Variants in AGMO observed in about 807,000 individuals in gnomAD.
The protein encoded by AGMO is glyceryl-ether monooxygenase.
Under a neutral mutation model 60.2 loss-of-function variants are expected in AGMO, and 75 were observed. That is an observed-to-expected ratio of 1.25 (90% CI 1.03 to 1.51). The LOEUF (loss-of-function observed/expected upper bound fraction) is 1.51. AGMO is among the 40% of genes most tolerant of loss of function. The pLI is 0.00. For missense variants in AGMO, 763 were observed against 525.5 expected (o/e 1.45, Z -4.42); for synonymous variants, 261 against 177.1 (o/e 1.47, Z -3.76).
intron 12 of AGMO, among the ~76,000 whole-genome samples, chr7:15,243,834 G>T (rs1782665232): frequency 6.6e-6 from 1 of 151,970 alleles, no homozygotes; most frequent in Non-Finnish European, 1.5e-5. Context: ...GGTTTTGTCT[G>T]CCACTACTCT....
intron 3 of AGMO, among the ~76,000 whole-genome samples, chr7:15,525,200 C>T (rs1255776547): frequency 1.3e-5 from 2 of 152,066 alleles, no homozygotes; most frequent in African/African-American, 2.4e-5. Context: ...ATAATGATAA[C>T]GACAGGAAGC....
chr7:15,408,782 G>T (rs1784767376), intron 5 of AGMO, among the ~76,000 whole-genome samples: 1 of 151,876 alleles, frequency 6.6e-6, no homozygotes, highest in African/African-American at 2.4e-5. Context: ...TCCTCACTTT[G>T]AGTGGGGACC....
At chr7:15,553,379 A>G (rs913481851) in intron 2 of AGMO, among the ~76,000 whole-genome samples, 1 of 151,924 alleles carries the variant, frequency 6.6e-6, no homozygotes, top group South Asian at 2.1e-4. Flanking sequence ...AAAGATTAAA[A>G]CAAAGTGTAG....
chr7:15,210,882 T>C (rs1781570658), intron 12 of AGMO, among the ~76,000 whole-genome samples: 1 of 152,076 alleles, frequency 6.6e-6, no homozygotes, highest in Non-Finnish European at 1.5e-5. Flanking sequence ...AGAAAATATT[T>C]TTCAAGTTGT....
At chr7:15,221,377 C>G (rs1228360826) in intron 12 of AGMO, among the ~76,000 whole-genome samples, 1 of 152,042 alleles carries the variant, frequency 6.6e-6, no homozygotes. Flanking sequence ...GAAATAACAA[C>G]TTTACCTACA....
intron 12 of AGMO, among the ~76,000 whole-genome samples, chr7:15,329,153 C>T (rs371344641): frequency 6.6e-6 from 1 of 152,168 alleles, no homozygotes; most frequent in East Asian, 1.9e-4. Flanking sequence ...TAACTTATTG[C>T]TAGAAAACAT....
intron 5 of AGMO, among the ~76,000 whole-genome samples, chr7:15,407,712 G>T (rs1784743587): frequency 6.6e-6 from 1 of 151,648 alleles, no homozygotes; most frequent in Non-Finnish European, 1.5e-5. Context: ...AAATTTATGT[G>T]TGTGTATATT....
At chr7:15,527,548 G>A (rs6950435) in intron 3 of AGMO, among the ~76,000 whole-genome samples, 124,412 of 152,174 alleles carry the variant, frequency 0.82, 51,147 homozygotes, top group East Asian at 0.97. Flanking sequence ...CACAAGACAA[G>A]CCAACAAGTG....
At chr7:15,365,454 A>T in intron 12 of AGMO, 60 bp downstream of exon 12, 1 of 1,099,656 alleles carries the variant, frequency 9.1e-7, no homozygotes, top group Non-Finnish European at 1.3e-6. Context: ...TCCTTGAATG[A>T]ATAAATTAAA....
chr7:15,283,942 C>A (rs1784034107), intron 12 of AGMO, among the ~76,000 whole-genome samples: 1 of 151,874 alleles, frequency 6.6e-6, no homozygotes, highest in Non-Finnish European at 1.5e-5. Flanking sequence ...TCAAACTAGA[C>A]AAATACATGA....
intron 12 of AGMO, among the ~76,000 whole-genome samples, chr7:15,231,821 G>T (rs958535672): frequency 6.6e-6 from 1 of 152,058 alleles, no homozygotes; most frequent in African/African-American, 2.4e-5. Context: ...TATGTGGCTG[G>T]TACAAAGCTG....
At chr7:15,505,168 G>A (rs1182204712) in intron 3 of AGMO, among the ~76,000 whole-genome samples, 1 of 151,844 alleles carries the variant, frequency 6.6e-6, no homozygotes, top group Non-Finnish European at 1.5e-5. Context: ...TTCATGTAGT[G>A]ATATACGAAT....
chr7:15,390,779 T>G (rs1350263978), intron 7 of AGMO, 29 bp from the exon 8 acceptor site: 1 of 1,596,148 alleles, frequency 6.3e-7, no homozygotes, highest in Non-Finnish European at 8.6e-7. Context: ...GATATGAGAT[T>G]TGGCTTCCTG....
intron 12 of AGMO, among the ~76,000 whole-genome samples, chr7:15,256,943 A>G (rs1783116789): frequency 6.6e-6 from 1 of 152,152 alleles, no homozygotes; most frequent in African/African-American, 2.4e-5. Context: ...AAATAAATAA[A>G]TAGGTAGGCA....
At chr7:15,268,928 G>T (rs1453017787) in intron 12 of AGMO, among the ~76,000 whole-genome samples, 4 of 152,032 alleles carry the variant, frequency 2.6e-5, no homozygotes, top group African/African-American at 9.7e-5. Flanking sequence ...TTGAAGCTGG[G>T]TGTTGACTTG....
chr7:15,361,722 G>T (rs1008345965), intron 12 of AGMO, among the ~76,000 whole-genome samples: 3 of 151,792 alleles, frequency 2.0e-5, no homozygotes, highest in African/African-American at 7.3e-5. Flanking sequence ...TATTTTCTCC[G>T]CATCGAACAG....
downstream of AGMO, among the ~76,000 whole-genome samples, chr7:15,198,893 G>C (rs1279168165): frequency 5.3e-5 from 8 of 152,176 alleles, no homozygotes; most frequent in Non-Finnish European, 1.2e-4. Context: ...ACTGGGGAGA[G>C]TTCGAATCTT....
chr7:15,283,651 C>T lies in AGMO; in HGVS notation c.1263+81863G>A, dbSNP rs529205004. Among the ~76,000 whole-genome samples the T allele has an allele frequency of 3.3e-5, 5 of 152,098 alleles. No homozygotes were observed. In the South Asian group the frequency reaches 8.3e-4, roughly 25 times the overall value. On this transcript the variant is annotated intron_variant, in intron 12 of 12. Transcript: ENST00000342526. ...AATAATAATGGGGAACTTCAACATT[C>T]CACTGACACTAGACAGATCTTCAAG...
intron 12 of AGMO, among the ~76,000 whole-genome samples, chr7:15,356,837 G>C (rs1413089719): frequency 6.6e-6 from 1 of 151,734 alleles, no homozygotes; most frequent in African/African-American, 2.4e-5. Flanking sequence ...CCCGGTTGCA[G>C]TGGCTCAAGC....
Sources: allele counts gnomAD v4.1 joint callset (sites outside exome capture counted in the v4.1 genomes callset), GRCh38; gene constraint gnomAD v4.1.1; transcripts MANE v1.5; gene names NCBI Gene and HGNC (gene_info 2026-07-23, HGNC 2026-07-21).